Variants in FHOD3 observed in about 807,000 individuals in gnomAD.
The protein encoded by FHOD3 is formin homology 2 domain containing 3, also known as FH1/FH2 domain-containing protein 3.
FHOD3 carries 90 observed loss-of-function variants against 173.0 expected under a neutral mutation model. The ratio of observed to expected loss-of-function variants is 0.52; its 90% CI spans 0.44 to 0.62. The LOEUF is 0.62. Among genes scored for constraint, FHOD3 ranks in the 20% least tolerant of loss-of-function variants. FHOD3 has a pLI of 0.00. For missense variants in FHOD3, 1,945 were observed against 2,034.7 expected (o/e 0.96, Z 0.85); for synonymous variants, 828 against 823.0 (o/e 1.01, Z -0.10).
chr18:36,529,557 G>C (rs2056686990), intron 5 of FHOD3, among the ~76,000 whole-genome samples: 1 of 152,026 alleles, frequency 6.6e-6, no homozygotes, highest in South Asian at 2.1e-4. Context: ...GGTGGCTCAC[G>C]CCTGTAATCC....
intron 3 of FHOD3, among the ~76,000 whole-genome samples, chr18:36,419,027 AG>A (rs2049837019): frequency 6.6e-6 from 1 of 152,162 alleles, no homozygotes; most frequent in Non-Finnish European, 1.5e-5. Context: ...GGAGGGGAAG[AG>A]TAAAAAACGT....
At chr18:36,617,087 A>G (rs902286744) in intron 9 of FHOD3, among the ~76,000 whole-genome samples, 5 of 152,224 alleles carry the variant, frequency 3.3e-5, no homozygotes, top group Admixed American at 3.3e-4. Flanking sequence ...TTCTGAGTTT[A>G]TTTACTATAA....
rs1279584551 is a variant in FHOD3, at chr18:36,760,676, C to T, written c.4518C>T (p.Asp1506=). The change falls in exon 27 of 29, where the codon GAC becomes GAT. Residue 1506 remains aspartate, a synonymous_variant. Coordinates refer to ENST00000590592, the MANE Select transcript of FHOD3 (RefSeq NM_001281740.3). The part of the protein sequence containing the change: ...SQPQGLSYAE[D]AAEHENMKAV... ...CGCAGGGTCTGAGCTATGCGGAGGACGCGGCTGAGCACGAGAACATGAAGG... is the reference window on the plus strand; with the variant it reads ...CGCAGGGTCTGAGCTATGCGGAGGATGCGGCTGAGCACGAGAACATGAAGG... The T allele has an allele frequency of 1.9e-6, 3 of 1,613,192 alleles. No homozygotes were observed. The highest frequency in any genetic ancestry group is 2.7e-5 in the African/African-American group (2 of 74,944).
intron 1 of FHOD3, among the ~76,000 whole-genome samples, chr18:36,335,581 G>T (rs1173078552): frequency 6.6e-6 from 1 of 152,156 alleles, no homozygotes; most frequent in Admixed American, 6.5e-5. Context: ...AGCTGTCCTG[G>T]ATAGCATGGA....
intron 10 of FHOD3, among the ~76,000 whole-genome samples, chr18:36,645,830 CAG>C (rs371984482): frequency 1.1e-4 from 16 of 151,586 alleles, no homozygotes; most frequent in African/African-American, 3.9e-4. Context: ...AGCTCTTTAA[CAG>C]AAAAAAGGAA....
chr18:36,579,957 G>T (rs2058787170), intron 6 of FHOD3, among the ~76,000 whole-genome samples: 1 of 151,754 alleles, frequency 6.6e-6, no homozygotes, highest in Non-Finnish European at 1.5e-5. Flanking sequence ...AAAAAAAACA[G>T]AAATAACAGA....
At chr18:36,382,856 T>G (rs2047860629) in intron 3 of FHOD3, among the ~76,000 whole-genome samples, 1 of 152,192 alleles carries the variant, frequency 6.6e-6, no homozygotes, top group Non-Finnish European at 1.5e-5. Flanking sequence ...ACTGACCATA[T>G]GTTTCATTTC....
Position 36,297,851 on chromosome 18 carries a change from T to A in FHOD3, c.16T>A (p.Cys6Ser), listed in dbSNP as rs757258398. Residue 6 changes from cysteine (C) to serine (S), a missense_variant, in exon 1 of 29, where the codon TGC becomes AGC. Cys to Ser is a moderately radical substitution (Grantham distance 112). Transcript: ENST00000590592. ...GGGATGCATCATGGCCACGCTGGCT[T>A]GCCGGGTGCAGTTCTTGGACGACAC... The part of the protein sequence containing the change: MATLA[C>S]RVQFLDDTDP... 2.6e-6 allele frequency: 4 copies of A among 1,531,610 alleles called. No homozygotes were observed. Among genetic ancestry groups the A allele is most frequent in the Non-Finnish European group, 3.5e-6 (4 of 1,139,090 alleles). The allele number at this position is 1,531,610 out of a possible 1,614,324, so 94.9% of individuals were successfully genotyped here. A position where few individuals can be genotyped will look rare whatever the true frequency, so the allele number is the denominator to read the frequency against.
chr18:36,769,507 G>C (rs1488848388), intron 28 of FHOD3, 81 bp downstream of exon 28: 2 of 1,501,818 alleles, frequency 1.3e-6, no homozygotes, highest in East Asian at 4.8e-5. Context: ...GAAAGGTGGA[G>C]ACACAGCTCC....
intron 5 of FHOD3, among the ~76,000 whole-genome samples, chr18:36,556,749 T>C (rs1213264811): frequency 6.6e-6 from 1 of 152,216 alleles, no homozygotes. Flanking sequence ...TTTACCCTTG[T>C]AGTTATCTTT....
chr18:36,548,663 A>G (rs796998785), intron 5 of FHOD3, among the ~76,000 whole-genome samples: 1 of 152,168 alleles, frequency 6.6e-6, no homozygotes. Flanking sequence ...ATTTTCTACA[A>G]TTGTGTATGA....
intron 3 of FHOD3, among the ~76,000 whole-genome samples, chr18:36,413,200 C>T (rs2049445990): frequency 6.6e-6 from 1 of 152,140 alleles, no homozygotes; most frequent in Non-Finnish European, 1.5e-5. Flanking sequence ...AAAAAGAACC[C>T]TTAAGAAAAG....
intron 10 of FHOD3, among the ~76,000 whole-genome samples, chr18:36,640,229 G>A (rs1285647988): frequency 6.6e-6 from 1 of 152,204 alleles, no homozygotes; most frequent in African/African-American, 2.4e-5. Flanking sequence ...AAACATCAGA[G>A]CAACAGCTGG....
chr18:36,542,767 G>C lies in FHOD3; in HGVS notation c.511+30224G>C, dbSNP rs564087609. Among the ~76,000 whole-genome samples, 4 of 152,250 alleles carry C rather than the reference G, an allele frequency of 2.6e-5. No individual in the cohort carries two copies. In the South Asian group the frequency reaches 8.3e-4, roughly 32 times the overall value. On this transcript the variant is annotated intron_variant, in intron 5 of 28. Transcript: ENST00000590592. ...TTGCCAAAGATGGTTTACAGTGTCT[G>C]ACTTGCTGGGACACCTGTATTTGCT... is the stretch of plus-strand genomic sequence containing the variant.
chr18:36,698,466 G>T (rs2039405703), intron 17 of FHOD3, among the ~76,000 whole-genome samples: 1 of 152,170 alleles, frequency 6.6e-6, no homozygotes, highest in Non-Finnish European at 1.5e-5. Context: ...CACTGGAAAA[G>T]TTGGTAAAGA....
At chr18:36,327,716 G>A (rs1424519853) in intron 1 of FHOD3, among the ~76,000 whole-genome samples, 3 of 152,220 alleles carry the variant, frequency 2.0e-5, no homozygotes, top group Admixed American at 6.5e-5. Context: ...GGATGGAGGG[G>A]TGGCATGACT....
intron 3 of FHOD3, among the ~76,000 whole-genome samples, 195 bp from the exon 4 acceptor site, chr18:36,501,737 T>C (rs1336313627): frequency 6.6e-6 from 1 of 152,194 alleles, no homozygotes; most frequent in Non-Finnish European, 1.5e-5. Context: ...CATTATTCCA[T>C]GCCACCTGTC....
intron 2 of FHOD3, among the ~76,000 whole-genome samples, chr18:36,371,320 A>G (rs2047176842): frequency 6.6e-6 from 1 of 152,246 alleles, no homozygotes. Context: ...TAATTTATAA[A>G]GAAAAAGAAG....
chr18:36,552,431 G>A (rs1481550088), intron 5 of FHOD3, among the ~76,000 whole-genome samples: 1 of 151,986 alleles, frequency 6.6e-6, no homozygotes, highest in Admixed American at 6.6e-5. Flanking sequence ...ATACAATCAT[G>A]TCATCTGCAA....
Sources: allele counts gnomAD v4.1 joint callset (sites outside exome capture counted in the v4.1 genomes callset), GRCh38; gene constraint gnomAD v4.1.1; transcripts MANE v1.5; gene names NCBI Gene and HGNC (gene_info 2026-07-23, HGNC 2026-07-21).